The following PLXNA2 variants were observed in gnomAD, a reference collection of about 807,000 sequenced individuals.
PLXNA2 encodes the protein plexin-A2.
PLXNA2 carries 91 observed loss-of-function variants against 193.5 expected under a neutral mutation model. That is an observed-to-expected ratio of 0.47 (90% CI 0.40 to 0.56). The LOEUF is 0.56. Among genes scored for constraint, PLXNA2 ranks in the 20% least tolerant of loss-of-function variants. The pLI, the probability that PLXNA2 is intolerant of heterozygous loss-of-function variation, is 0.00. For synonymous variants in PLXNA2, 997 were observed against 1,027.3 expected (o/e 0.97, Z 0.56); for missense variants, 1,995 against 2,503.2 (o/e 0.80, Z 4.33).
chr1:208,057,470 G>A (rs1328471911), intron 13 of PLXNA2, among the ~76,000 whole-genome samples: 2 of 152,188 alleles, frequency 1.3e-5, no homozygotes, highest in Admixed American at 1.3e-4. Flanking sequence ...GGTGAGAAAG[G>A]CTGAGCTGGG....
Position 208,082,839 on chromosome 1 carries a change from T to G in PLXNA2, c.2299-331A>C, listed in dbSNP as rs1666390797. Among the ~76,000 whole-genome samples, 1 of 152,102 alleles carries G rather than the reference T, an allele frequency of 6.6e-6. No homozygotes were observed. The highest frequency in any genetic ancestry group is 6.6e-5 in the Admixed American group (1 of 15,248). On this transcript the variant is annotated intron_variant, in intron 10 of 31. Coordinates refer to ENST00000367033, the MANE Select transcript of PLXNA2 (RefSeq NM_025179.4). The surrounding 1 kb of genome is among the most constrained non-coding windows in gnomAD (Gnocchi z 4.2). ...GGAATGCAACCGTCTCCCTACAACCTCCATCCTTTTAACCCACCCGTATTC... is the reference window on the plus strand; with the variant it reads ...GGAATGCAACCGTCTCCCTACAACCGCCATCCTTTTAACCCACCCGTATTC...
Position 208,202,208 on chromosome 1 carries a change from G to T in PLXNA2, c.1371+8072C>A, listed in dbSNP as rs112594936. ...TTGGCCAGGCTGGTCTCGAACTCCT[G>T]ACCTCAGGTGATCAGCCCGCCTCGG... On this transcript the variant is annotated intron_variant, in intron 3 of 31. Coordinates refer to ENST00000367033, the MANE Select transcript of PLXNA2 (RefSeq NM_025179.4). Among the ~76,000 whole-genome samples, 990 of 152,128 alleles carry T rather than the reference G, an allele frequency of 6.5e-3. 5 individuals carry two copies. The highest frequency in any genetic ancestry group is 0.023 in the African/African-American group (950 of 41,480).
chr1:208,109,704 C>T (rs540875845), intron 4 of PLXNA2, among the ~76,000 whole-genome samples: 42 of 152,358 alleles, frequency 2.8e-4, no homozygotes, highest in African/African-American at 8.2e-4. Flanking sequence ...GAATCCTCCA[C>T]GGCCCATGAT....
chr1:208,153,313 T>A (rs1018952074), intron 3 of PLXNA2, among the ~76,000 whole-genome samples: 13 of 152,154 alleles, frequency 8.5e-5, no homozygotes, highest in African/African-American at 3.1e-4. Flanking sequence ...AACGGAGGCA[T>A]AGTAGGGTGA....
chr1:208,151,468 T>G (rs564854539), intron 3 of PLXNA2, among the ~76,000 whole-genome samples: 24 of 152,208 alleles, frequency 1.6e-4, no homozygotes, highest in Middle Eastern at 6.8e-3. Flanking sequence ...GAATAGGGTG[T>G]GGTGAGAACT....
Position 208,054,540 on chromosome 1 carries a change from TG to T in PLXNA2, c.2739-3del, listed in dbSNP as rs778520289. The T allele has an allele frequency of 2.4e-5, 39 of 1,610,834 alleles. No homozygotes were observed. The African/African-American group carries it at 4.1e-4, about 17-fold the overall frequency. On this transcript the variant is annotated splice_polypyrimidine_tract_variant and splice_region_variant and intron_variant, in intron 13 of 31. Transcript: ENST00000367033. ...GCATGGCCCATCTCACAGACAATCC[TG>T]GGGAGAAAGCAAACCTTCTGGTGAG...
chr1:208,160,671 A>G (rs947649238), intron 3 of PLXNA2, among the ~76,000 whole-genome samples: 1 of 152,228 alleles, frequency 6.6e-6, no homozygotes, highest in East Asian at 1.9e-4. Flanking sequence ...GAATCTTGCC[A>G]TAAACATTTT....
At position 208,217,513 on chromosome 1, in the gene PLXNA2, C is replaced by A; in HGVS notation, c.410G>T (p.Cys137Phe). ...LACGSLYQGVCKLLRLDDLFI... is the reference protein window; with the variant it reads ...LACGSLYQGVFKLLRLDDLFI... ...GAGGTCATCCAGCCGCAGCAGCTTGCAGACCCCCTGGTAGAGGCTCCCACA... is the reference window on the plus strand; with the variant it reads ...GAGGTCATCCAGCCGCAGCAGCTTGAAGACCCCCTGGTAGAGGCTCCCACA... Residue 137 changes from cysteine to phenylalanine, a missense_variant, in exon 2 of 32, where the codon TGC (cysteine) becomes TTC (phenylalanine). Physicochemically the swap from Cys to Phe is radical, Grantham distance 205 (BLOSUM62 -2). Coordinates refer to ENST00000367033, the MANE Select transcript of PLXNA2 (RefSeq NM_025179.4). This position sits in a 1 kb window ranked among gnomAD's most constrained non-coding sequence, Gnocchi z 4.7. 6.2e-7 allele frequency: 1 copy of A among 1,614,206 alleles called. No individual in the cohort carries two copies. The highest frequency in any genetic ancestry group is 8.5e-7 in the Non-Finnish European group (1 of 1,180,036).
Position 208,113,799 on chromosome 1 carries a change from G to T in PLXNA2, c.1507-10552C>A, listed in dbSNP as rs542982563. On this transcript the variant is annotated intron_variant, in intron 4 of 31. Transcript: ENST00000367033. ...TTGAACCCCTGGGCTCAAGTGATCT[G>T]CCCGCCAGAGCAACTCAAAGTGTTG... Among the ~76,000 whole-genome samples, 221 of 152,152 alleles carry T rather than the reference G, an allele frequency of 1.5e-3. 1 individual carries two copies. The highest frequency in any genetic ancestry group is 2.0e-3 in the Non-Finnish European group (138 of 68,000).
chr1:208,139,537 G>GTTAA (rs1346423422), intron 4 of PLXNA2, among the ~76,000 whole-genome samples: 1 of 152,182 alleles, frequency 6.6e-6, no homozygotes, highest in African/African-American at 2.4e-5. Flanking sequence ...AAACACTGAG[G>GTTAA]TTAAGTGACT....
intron 3 of PLXNA2, among the ~76,000 whole-genome samples, chr1:208,209,800 G>T (rs866853082): frequency 2.6e-4 from 39 of 152,222 alleles, no homozygotes; most frequent in Middle Eastern, 6.8e-3. Flanking sequence ...TCAGAGAGCA[G>T]CACCCACCGT....
chr1:208,045,201 G>A lies in PLXNA2; in HGVS notation c.3505C>T (p.Leu1169Phe), dbSNP rs1357294644. ...GCCCCTCCAGAGGCAGGAGGGCAGA[G>A]GTTTTTGCCCTGTAGAGAATAGCAG... ...GSPIILKGKN[L>F]CPPASGGAKL... The change falls in exon 19 of 32, where the codon CTC (leucine) becomes TTC (phenylalanine). Residue 1169 changes from leucine to phenylalanine, a missense_variant. Leu to Phe is a conservative substitution (Grantham distance 22, BLOSUM62 0). Around this residue, in one of 3 missense-constraint regions of PLXNA2, gnomAD observed 1,291 missense variants for 1,673.6 expected, o/e 0.77. Transcript: ENST00000367033. 9.3e-6 allele frequency: 15 copies of A among 1,614,004 alleles called. No homozygotes were observed. Among genetic ancestry groups the A allele is most frequent in the Non-Finnish European group, 1.0e-5 (12 of 1,179,910 alleles).
chr1:208,222,859 C>A (rs1425841624), intron 1 of PLXNA2, among the ~76,000 whole-genome samples: 4 of 152,194 alleles, frequency 2.6e-5, no homozygotes, highest in Middle Eastern at 3.2e-3. Flanking sequence ...TACCCGTGGG[C>A]CCATCTGTAG....
chr1:208,206,805 C>T (rs751141379), intron 3 of PLXNA2, among the ~76,000 whole-genome samples: 4 of 146,532 alleles, frequency 2.7e-5, no homozygotes, highest in Non-Finnish European at 5.9e-5. Context: ...GACTCTTGCC[C>T]TGTCGCCCAG....
intron 3 of PLXNA2, among the ~76,000 whole-genome samples, chr1:208,167,750 T>C (rs933278429): frequency 1.3e-5 from 2 of 152,236 alleles, no homozygotes; most frequent in African/African-American, 4.8e-5. Context: ...AATGACTATG[T>C]TTCTGCTTAA....
At chr1:208,102,052 C>T (rs1347519852) in intron 5 of PLXNA2, among the ~76,000 whole-genome samples, 2 of 152,196 alleles carry the variant, frequency 1.3e-5, no homozygotes, top group African/African-American at 2.4e-5. Context: ...ACACACTGTC[C>T]AGGTCTGCTA....
At chr1:208,050,164 T>C (rs951407085) in intron 17 of PLXNA2, among the ~76,000 whole-genome samples, 1 of 152,240 alleles carries the variant, frequency 6.6e-6, no homozygotes, top group Non-Finnish European at 1.5e-5. Context: ...GCAACCTAGG[T>C]GGAGTTATCT....
intron 3 of PLXNA2, among the ~76,000 whole-genome samples, chr1:208,147,346 A>C (rs559502649): frequency 6.6e-6 from 1 of 152,218 alleles, no homozygotes; most frequent in African/African-American, 2.4e-5. Flanking sequence ...GAGGACATTT[A>C]GTCTAGCTCT....
chr1:208,053,384 T>C (rs548538250), intron 14 of PLXNA2, among the ~76,000 whole-genome samples: 1 of 152,330 alleles, frequency 6.6e-6, no homozygotes, highest in South Asian at 2.1e-4. Flanking sequence ...CTAGTTCTCC[T>C]GTGTTTGCTT....
Sources: allele counts gnomAD v4.1 joint callset (sites outside exome capture counted in the v4.1 genomes callset), GRCh38; gene constraint gnomAD v4.1.1; regional missense constraint gnomAD v4.1.1; non-coding constraint Gnocchi (gnomAD v3.1); transcripts MANE v1.5; gene names NCBI Gene and HGNC (gene_info 2026-07-23, HGNC 2026-07-21).